NCAM2: variants seen among roughly 807,000 people sequenced by gnomAD.
The protein encoded by NCAM2 is N-CAM-2.
NCAM2 carries 30 observed loss-of-function variants against 98.1 expected under a neutral mutation model. The observed-to-expected ratio is 0.31, with a 90% CI of 0.23 to 0.41. NCAM2 has a LOEUF of 0.41. NCAM2 is among the 10% of genes least tolerant of loss of function. The pLI is 1.00. For missense variants in NCAM2, 867 were observed against 1,005.8 expected (o/e 0.86, Z 1.87); for synonymous variants, 368 against 342.4 (o/e 1.07, Z -0.83).
At chr21:21,164,334 A>G (rs750116528) in intron 1 of NCAM2, among the ~76,000 whole-genome samples, 37 of 152,214 alleles carry the variant, frequency 2.4e-4, no homozygotes, top group Non-Finnish European at 4.1e-4. Context: ...TGGAAAAACT[A>G]TAGAAGTTTG....
At chr21:21,028,063 A>G (rs888439521) in intron 1 of NCAM2, among the ~76,000 whole-genome samples, 5 of 151,912 alleles carry the variant, frequency 3.3e-5, no homozygotes, top group Admixed American at 6.6e-5. Context: ...GGATTCCTTC[A>G]TGTTAGTCAG....
At chr21:21,533,249 C>T (rs1171421924) in intron 16 of NCAM2, among the ~76,000 whole-genome samples, 1 of 134,780 alleles carries the variant, frequency 7.4e-6, no homozygotes, top group Admixed American at 9.0e-5. Flanking sequence ...TGATAAGAAA[C>T]ATAACAGTTT....
intron 8 of NCAM2, among the ~76,000 whole-genome samples, chr21:21,347,152 G>A (rs530103120): frequency 1.3e-5 from 2 of 151,840 alleles, no homozygotes; most frequent in East Asian, 3.9e-4. Context: ...GAAGATACAA[G>A]TAAATACAGT....
intron 1 of NCAM2, among the ~76,000 whole-genome samples, chr21:21,246,422 T>C (rs2071274312): frequency 6.6e-6 from 1 of 152,106 alleles, no homozygotes; most frequent in Non-Finnish European, 1.5e-5. Flanking sequence ...GAGAGACAAA[T>C]TGATAGATGA....
At chr21:21,145,786 A>T (rs932977140) in intron 1 of NCAM2, among the ~76,000 whole-genome samples, 1 of 152,236 alleles carries the variant, frequency 6.6e-6, no homozygotes, top group African/African-American at 2.4e-5. Flanking sequence ...AACGATAAAT[A>T]AATAAGATGA....
chr21:21,171,871 A>G (rs1460222714), intron 1 of NCAM2, among the ~76,000 whole-genome samples: 2 of 152,122 alleles, frequency 1.3e-5, no homozygotes. Context: ...TGGTAGGTTA[A>G]ATGGAAGGAA....
chr21:21,152,194 A>T (rs73894478), intron 1 of NCAM2, among the ~76,000 whole-genome samples: 3,342 of 151,988 alleles, frequency 0.022, 128 homozygotes, highest in African/African-American at 0.076. Context: ...CCTAAAGTTT[A>T]CTATTTTTCT....
At chr21:21,510,205 C>G (rs904833638) in intron 16 of NCAM2, among the ~76,000 whole-genome samples, 2 of 152,088 alleles carry the variant, frequency 1.3e-5, no homozygotes, top group African/African-American at 4.8e-5. Context: ...GTAAGTAAAG[C>G]CACAGAATAA....
At chr21:21,177,446 A>G (rs2068331424) in intron 1 of NCAM2, among the ~76,000 whole-genome samples, 1 of 152,100 alleles carries the variant, frequency 6.6e-6, no homozygotes, top group Non-Finnish European at 1.5e-5. Context: ...AGTTTTAGAA[A>G]TATTTATTAA....
chr21:21,529,981 G>A (rs1258283807), intron 16 of NCAM2, among the ~76,000 whole-genome samples: 5 of 148,730 alleles, frequency 3.4e-5, no homozygotes, highest in South Asian at 2.1e-4. Flanking sequence ...ATATATTAGC[G>A]TTTCCATAAG....
intron 1 of NCAM2, among the ~76,000 whole-genome samples, chr21:21,048,100 A>G (rs938633552): frequency 5.9e-5 from 9 of 152,130 alleles, no homozygotes; most frequent in African/African-American, 1.7e-4. Flanking sequence ...AGATAAATCA[A>G]CTAAGAGCCA....
At chr21:21,086,695 G>A (rs1175607680) in intron 1 of NCAM2, among the ~76,000 whole-genome samples, 1 of 152,126 alleles carries the variant, frequency 6.6e-6, no homozygotes, top group East Asian at 1.9e-4. Context: ...AAAAAGAATG[G>A]TTTTGGGGTA....
chr21:21,223,358 C>T (rs1385513602), intron 1 of NCAM2: 1 of 151,962 alleles, frequency 6.6e-6, no homozygotes, highest in Non-Finnish European at 1.5e-5. Context: ...CTGTGAGAAC[C>T]ATTATACATG....
At chr21:21,335,411 A>G (rs2074833889) in intron 6 of NCAM2, 94 bp from the exon 7 acceptor site, 4 of 966,424 alleles carry the variant, frequency 4.1e-6, no homozygotes, top group East Asian at 2.8e-5. Flanking sequence ...TGATAGCCAT[A>G]TAGTCATCAA....
chr21:21,491,589 A>G (rs1986851853), intron 15 of NCAM2, among the ~76,000 whole-genome samples: 1 of 151,800 alleles, frequency 6.6e-6, no homozygotes, highest in African/African-American at 2.4e-5. Context: ...TGACATAGAT[A>G]TAAACAGAAA....
At chr21:21,198,458 C>T (rs1386274295) in intron 1 of NCAM2, among the ~76,000 whole-genome samples, 1 of 151,954 alleles carries the variant, frequency 6.6e-6, no homozygotes, top group Non-Finnish European at 1.5e-5. Flanking sequence ...ACTTTCTTAC[C>T]TTGAATAGAG....
chr21:21,262,711 A>G (rs2071963922), intron 1 of NCAM2, among the ~76,000 whole-genome samples: 1 of 150,986 alleles, frequency 6.6e-6, no homozygotes, highest in Non-Finnish European at 1.5e-5. Context: ...TGGAAGTCAG[A>G]TGTATTAGTC....
intron 12 of NCAM2, among the ~76,000 whole-genome samples, chr21:21,447,590 C>G (rs904543829): frequency 3.0e-4 from 46 of 152,202 alleles, no homozygotes; most frequent in African/African-American, 1.0e-3. Flanking sequence ...AATAAACTAT[C>G]ATCAGAGTGA....
intron 1 of NCAM2, among the ~76,000 whole-genome samples, chr21:21,155,762 G>A (rs1212556521): frequency 1.3e-5 from 2 of 151,886 alleles, no homozygotes; most frequent in Admixed American, 1.3e-4. Flanking sequence ...TAGTTTGACT[G>A]TATTTTTACA....
Sources: gnomAD v4.1 joint callset for allele counts (sites outside exome capture counted in the v4.1 genomes callset) on GRCh38, gnomAD v4.1.1 for gene constraint, MANE v1.5 for transcripts, NCBI Gene and HGNC (gene_info 2026-07-23, HGNC 2026-07-21) for gene names.